FAT1: variants seen among roughly 807,000 people sequenced by gnomAD.
The protein encoded by FAT1 is protocadherin Fat 1.
In FAT1, 171 loss-of-function variants were observed where a neutral mutation model predicts 329.8. That is an observed-to-expected ratio of 0.52 (90% CI 0.46 to 0.59). FAT1 has a LOEUF of 0.59. Among genes scored for constraint, FAT1 ranks in the 20% least tolerant of loss-of-function variants. The pLI, the probability that FAT1 is intolerant of heterozygous loss-of-function variation, is 0.00. For missense variants in FAT1, 5,672 were observed against 5,774.4 expected (o/e 0.98, Z 0.57); for synonymous variants, 2,233 against 2,228.6 (o/e 1.00, Z -0.06).
chr4:186,597,601 T>G, intron 24 of FAT1, 81 bp downstream of exon 24: 1 of 922,198 alleles, frequency 1.1e-6, no homozygotes, highest in Non-Finnish European at 1.8e-6. Context: ...GTAGTTCAAA[T>G]CACTGAAGGT....
At chr4:186,601,214 G>A in intron 21 of FAT1, 55 bp downstream of exon 21, 3 of 1,444,024 alleles carry the variant, frequency 2.1e-6, no homozygotes, top group Non-Finnish European at 2.8e-6. Flanking sequence ...AATATAAAAT[G>A]AAATTTATGG....
chr4:186,699,578 C>T (rs544641939), intron 2 of FAT1, among the ~76,000 whole-genome samples: 35 of 152,150 alleles, frequency 2.3e-4, no homozygotes, highest in South Asian at 2.1e-3. Context: ...TGCCCTTGAA[C>T]GGCAATCTTT....
At chr4:186,615,333 T>C (rs1381579013) in intron 11 of FAT1, among the ~76,000 whole-genome samples, 2 of 152,098 alleles carry the variant, frequency 1.3e-5, no homozygotes, top group Non-Finnish European at 2.9e-5. Context: ...TAAGGGTTCT[T>C]CCATCTTAAG....
chr4:186,690,627 T>A (rs192650403), intron 2 of FAT1, among the ~76,000 whole-genome samples: 262 of 151,810 alleles, frequency 1.7e-3, no homozygotes, highest in African/African-American at 6.2e-3. Context: ...AACCCAGGAG[T>A]TGCAGTGAGC....
rs775634180 is a variant in FAT1 at position 186,708,306 on chromosome 4, CAT to C, written c.1520_1521del (p.His507ArgfsTer6). The part of the protein sequence containing the change: ...YVTYSIANLN[H>X]VPFAIDHFTG... ...GTGAAATGGTCAATCGCAAACGGCA[CAT>C]GATTTAAATTTGCGATACTGTATGT... On this transcript the variant is annotated frameshift_variant, in exon 2 of 27. Transcript: ENST00000441802. LOFTEE classifies it high-confidence loss of function. 6 of 1,613,954 alleles carry C rather than the reference CAT, an allele frequency of 3.7e-6. No individual in the cohort carries two copies. Among genetic ancestry groups the C allele is most frequent in the Non-Finnish European group, 5.1e-6 (6 of 1,179,870 alleles).
At chr4:186,697,587 A>T (rs1744099592) in intron 2 of FAT1, among the ~76,000 whole-genome samples, 1 of 152,224 alleles carries the variant, frequency 6.6e-6, no homozygotes, top group African/African-American at 2.4e-5. Context: ...TTTCAGGCAC[A>T]TGTACAAATA....
intron 4 of FAT1, among the ~76,000 whole-genome samples, chr4:186,637,144 C>G (rs1393115842): frequency 3.3e-5 from 5 of 152,110 alleles, no homozygotes; most frequent in African/African-American, 1.2e-4. Flanking sequence ...AAGAAAGAAA[C>G]AGCTGCACCC....
At chr4:186,701,646 C>T (rs1468743218) in intron 2 of FAT1, among the ~76,000 whole-genome samples, 1 of 152,230 alleles carries the variant, frequency 6.6e-6, no homozygotes, top group African/African-American at 2.4e-5. Context: ...CACTTGCAGA[C>T]CCTTTAGTCA....
rs955591508 is a variant in FAT1, at chr4:186,612,931, C to A, written c.9463+178G>T. ...AGGTTCACTGGGCACAACTTTGGAA[C>A]TTTAAATATTCATTAAAAATTAATT... is the stretch of plus-strand genomic sequence containing the variant. On this transcript the variant is annotated intron_variant, in intron 13 of 26. Transcript: ENST00000441802. Among the ~76,000 whole-genome samples the A allele has an allele frequency of 5.3e-5, 8 of 152,256 alleles. No individual in the cohort carries two copies. The East Asian group carries it at 1.5e-3, about 29-fold the overall frequency.
chr4:186,634,206 T>G (rs540498355), intron 6 of FAT1, among the ~76,000 whole-genome samples: 1 of 152,320 alleles, frequency 6.6e-6, no homozygotes, highest in South Asian at 2.1e-4. Flanking sequence ...TTTCTGATAC[T>G]TTGAGCAAAT....
intron 3 of FAT1, among the ~76,000 whole-genome samples, chr4:186,642,388 GCTGT>G (rs1295805279): frequency 1.3e-5 from 2 of 152,176 alleles, no homozygotes; most frequent in African/African-American, 4.8e-5. Flanking sequence ...GAGGACAGTG[GCTGT>G]CTTTCTTGCA....
intron 2 of FAT1, among the ~76,000 whole-genome samples, chr4:186,703,571 G>A (rs1422403711): frequency 2.6e-5 from 4 of 152,200 alleles, no homozygotes; most frequent in African/African-American, 9.7e-5. Flanking sequence ...CAGTTACGTG[G>A]ACAGGTTGTT....
At chr4:186,636,517 G>C in intron 5 of FAT1, 68 bp downstream of exon 5, 14 of 1,459,092 alleles carry the variant, frequency 9.6e-6, no homozygotes, top group Non-Finnish European at 1.3e-5. Flanking sequence ...AGTTACTAAA[G>C]AAAAAATACA....
In FAT1 at chr4:186,620,950, A is replaced by C. The variant is rs2126520708; in HGVS notation, c.5636T>G (p.Phe1879Cys). Residue 1879 changes from phenylalanine (F) to cysteine (C), a missense_variant, in exon 10 of 27, where the codon TTT becomes TGT. Physicochemically the swap from Phe to Cys is radical, Grantham distance 205. This residue lies in a region of FAT1 where 3,966 missense variants were observed against 3,915.2 expected (regional missense o/e 1.01). Transcript: ENST00000441802. ...AGATGCTTCATATAATGGCTTGGCAAACACAGGGGGGCAGTCATTAATGTC... is the reference window on the plus strand; with the variant it reads ...AGATGCTTCATATAATGGCTTGGCACACACAGGGGGGCAGTCATTAATGTC... ...VIDINDCPPV[F>C]AKPLYEASLL... is the part of the protein sequence containing the mutation. The C allele has an allele frequency of 6.2e-7, 1 of 1,613,974 alleles. No individual in the cohort carries two copies. The highest frequency in any genetic ancestry group is 1.1e-5 in the South Asian group (1 of 91,090).
rs566776375 is a variant in FAT1 at position 186,690,222 on chromosome 4, T to C, written c.3265+16341A>G. Among the ~76,000 whole-genome samples the C allele has an allele frequency of 7.2e-5, 11 of 152,296 alleles. No homozygotes were observed. The South Asian group carries it at 2.3e-3, about 32-fold the overall frequency. Reference sequence around the variant, plus strand: ...TAGGCATGAAGCCGTTATCTCAAGTTTACTATTCATTAGAATGCTGGTAAT... The same window carrying C: ...TAGGCATGAAGCCGTTATCTCAAGTCTACTATTCATTAGAATGCTGGTAAT... On this transcript the variant is annotated intron_variant, in intron 2 of 26. Coordinates refer to ENST00000441802, the MANE Select transcript of FAT1 (RefSeq NM_005245.4).
chr4:186,712,249 T>C (rs913629338), intron 1 of FAT1, among the ~76,000 whole-genome samples: 23 of 152,268 alleles, frequency 1.5e-4, no homozygotes, highest in African/African-American at 5.5e-4. Context: ...TACTTTAAAA[T>C]GGACAGAAAA....
At chr4:186,599,787 T>A in intron 22 of FAT1, 111 bp downstream of exon 22, 2 of 861,342 alleles carry the variant, frequency 2.3e-6, no homozygotes, top group Non-Finnish European at 3.6e-6. Flanking sequence ...CTGCAGTGTC[T>A]GACAAAATTA....
chr4:186,610,562 T>C (rs1178553617), intron 14 of FAT1, among the ~76,000 whole-genome samples: 1 of 143,970 alleles, frequency 6.9e-6, no homozygotes, highest in African/African-American at 2.6e-5. Flanking sequence ...TAAAGAGCCC[T>C]AAAAATAATT....
intron 3 of FAT1, among the ~76,000 whole-genome samples, chr4:186,641,342 G>C (rs537909621): frequency 6.6e-6 from 1 of 152,210 alleles, no homozygotes; most frequent in Non-Finnish European, 1.5e-5. Flanking sequence ...AATGACGCTT[G>C]AATGTGGCAC....
Sources: allele counts gnomAD v4.1 joint callset (sites outside exome capture counted in the v4.1 genomes callset), GRCh38; gene constraint gnomAD v4.1.1; regional missense constraint gnomAD v4.1.1; transcripts MANE v1.5; gene names NCBI Gene and HGNC (gene_info 2026-07-23, HGNC 2026-07-21).